DRD2: variants seen among roughly 807,000 people sequenced by gnomAD.
DRD2 encodes dopamine receptor D2.
Under a neutral mutation model 38.0 loss-of-function variants are expected in DRD2, and 8 were observed. The observed-to-expected ratio is 0.21, with a 90% CI of 0.12 to 0.38. The LOEUF (loss-of-function observed/expected upper bound fraction) is 0.38. DRD2 is among the 10% of genes least tolerant of loss of function. The probability of loss-of-function intolerance (pLI) is 1.00; values close to 1 mark genes in which losing one functional copy is unlikely to be tolerated. For missense variants in DRD2, 403 were observed against 607.7 expected (o/e 0.66, Z 3.54); for synonymous variants, 230 against 238.6 (o/e 0.96, Z 0.33).
At chr11:113,434,906 G>T (rs146458592) in intron 1 of DRD2, among the ~76,000 whole-genome samples, 1 of 152,204 alleles carries the variant, frequency 6.6e-6, no homozygotes, top group Non-Finnish European at 1.5e-5. Context: ...GCTGGAGCAC[G>T]CACAGTTCCT....
At chr11:113,432,021 C>T (rs1950991948) in intron 1 of DRD2, among the ~76,000 whole-genome samples, 1 of 152,172 alleles carries the variant, frequency 6.6e-6, no homozygotes, top group Non-Finnish European at 1.5e-5. Context: ...GAAGGGGCTG[C>T]TTTCCCAGTC....
At chr11:113,418,495 T>A (rs1950850203) in intron 2 of DRD2, among the ~76,000 whole-genome samples, 1 of 152,188 alleles carries the variant, frequency 6.6e-6, no homozygotes, top group Non-Finnish European at 1.5e-5. Context: ...CAGAGACACC[T>A]ATATTGACTA....
intron 1 of DRD2, among the ~76,000 whole-genome samples, chr11:113,462,162 T>C (rs1304215261): frequency 1.3e-5 from 2 of 152,206 alleles, no homozygotes; most frequent in African/African-American, 2.4e-5. Flanking sequence ...GGGCAGCTAT[T>C]CCCAAACAGG....
rs1241130016 is a variant in DRD2, at chr11:113,420,222, T to C, written c.286-2086A>G. On this transcript the variant is annotated intron_variant, in intron 2 of 7. Coordinates refer to ENST00000362072, the MANE Select transcript of DRD2 (RefSeq NM_000795.4). Reference sequence around the variant, plus strand: ...TCCTCTCCTTCCCTCCTTTCTGCCATCCCTTCTTTCCTACAAACACTTATT... The same window carrying C: ...TCCTCTCCTTCCCTCCTTTCTGCCACCCCTTCTTTCCTACAAACACTTATT... Among the ~76,000 whole-genome samples, 3 of 152,172 alleles carry C rather than the reference T, an allele frequency of 2.0e-5. No individual in the cohort carries two copies. The East Asian group carries it at 5.8e-4, about 29-fold the overall frequency.
intron 1 of DRD2, among the ~76,000 whole-genome samples, chr11:113,469,086 TC>T (rs1157392193): frequency 3.3e-5 from 5 of 152,122 alleles, no homozygotes; most frequent in Non-Finnish European, 7.3e-5. Context: ...GAAGGTAATG[TC>T]ATCACAGTTC....
chr11:113,417,056 C>A, intron 3 of DRD2, 57 bp from the exon 4 acceptor site: 1 of 1,596,992 alleles, frequency 6.3e-7, no homozygotes, highest in Non-Finnish European at 8.5e-7. Flanking sequence ...CCTCACTCCA[C>A]AATATGCACA....
chr11:113,433,961 C>T lies in DRD2; in HGVS notation c.-31-9279G>A, dbSNP rs113494633. The stretch of plus-strand genomic sequence containing the variant: ...ACTTACAGGCACAGGCAGCCACATG[C>T]ACCCTCCTTGAGTCCCAACTCCTAA... On this transcript the variant is annotated intron_variant, in intron 1 of 7. Transcript: ENST00000362072. Among the ~76,000 whole-genome samples, 97 of 152,320 alleles carry T rather than the reference C, an allele frequency of 6.4e-4. 2 individuals are homozygous for T. The highest frequency in any genetic ancestry group is 2.2e-3 in the African/African-American group (90 of 41,582).
chr11:113,416,317 G>A (rs1950826295), intron 4 of DRD2, among the ~76,000 whole-genome samples: 2 of 152,186 alleles, frequency 1.3e-5, no homozygotes, highest in South Asian at 4.1e-4. Flanking sequence ...CGGGGGCTTT[G>A]TGTTGCCTCT....
chr11:113,414,226 G>T, intron 6 of DRD2, 149 bp downstream of exon 6: 1 of 788,180 alleles, frequency 1.3e-6, no homozygotes, highest in Non-Finnish European at 2.3e-6. Context: ...TTGGAGGTGT[G>T]CACGGTGAGT....
chr11:113,442,641 TG>T (rs1951105329), intron 1 of DRD2, among the ~76,000 whole-genome samples: 1 of 152,214 alleles, frequency 6.6e-6, no homozygotes, highest in Non-Finnish European at 1.5e-5. Flanking sequence ...TGATATTCCA[TG>T]GGACACAGCA....
chr11:113,451,821 T>C (rs370386445), intron 1 of DRD2, among the ~76,000 whole-genome samples: 2 of 152,214 alleles, frequency 1.3e-5, no homozygotes, highest in South Asian at 4.1e-4. Flanking sequence ...GTCTCATTCA[T>C]GAGTTAAATG....
At chr11:113,470,706 G>C (rs893554569) in intron 1 of DRD2, among the ~76,000 whole-genome samples, 2 of 152,194 alleles carry the variant, frequency 1.3e-5, no homozygotes, top group Non-Finnish European at 2.9e-5. Context: ...GGCCTCCTAA[G>C]AGTCTACTTC....
chr11:113,437,906 A>C (rs772215247), intron 1 of DRD2, among the ~76,000 whole-genome samples: 1 of 152,168 alleles, frequency 6.6e-6, no homozygotes, highest in Middle Eastern at 3.2e-3. Flanking sequence ...CAACATGGGC[A>C]CAACAGGGAA....
chr11:113,439,127 T>C (rs753683274), intron 1 of DRD2, among the ~76,000 whole-genome samples: 6 of 152,234 alleles, frequency 3.9e-5, no homozygotes, highest in Admixed American at 6.5e-5. Context: ...GTGGTATTTC[T>C]TTGCCATGCA....
At chr11:113,427,960 C>T (rs530416151) in intron 1 of DRD2, among the ~76,000 whole-genome samples, 17 of 152,240 alleles carry the variant, frequency 1.1e-4, no homozygotes, top group African/African-American at 3.9e-4. Context: ...CAGGGATGCG[C>T]GCACAGAGGA....
intron 1 of DRD2, among the ~76,000 whole-genome samples, chr11:113,427,766 C>A (rs752846044): frequency 3.9e-5 from 6 of 152,126 alleles, no homozygotes; most frequent in Non-Finnish European, 8.8e-5. Flanking sequence ...CTGCACTATG[C>A]TCTTCCCCCA....
At chr11:113,416,182 A>T (rs1479428272) in intron 4 of DRD2, among the ~76,000 whole-genome samples, 1 of 152,324 alleles carries the variant, frequency 6.6e-6, no homozygotes, top group East Asian at 1.9e-4. Context: ...AATTCCTGTG[A>T]TGCTTATAAT....
intron 1 of DRD2, among the ~76,000 whole-genome samples, chr11:113,470,779 G>A (rs1224614591): frequency 6.6e-6 from 1 of 152,118 alleles, no homozygotes; most frequent in Non-Finnish European, 1.5e-5. Flanking sequence ...GAGTTTCCAG[G>A]CTTCTGAGTT....
rs553052703 is a variant in DRD2 at position 113,410,501 on chromosome 11, G to A, written c.*226C>T. ...CTATGAGCTGCCCCTGAGCTGGGGG[G>A]CCCAGCCCCAGGGCTGGTACCATGC... On this transcript the variant is annotated 3_prime_UTR_variant, in exon 8 of 8. Coordinates refer to ENST00000362072, the MANE Select transcript of DRD2 (RefSeq NM_000795.4). The A allele has an allele frequency of 1.6e-6, 1 of 619,254 alleles. No homozygotes were observed. The highest frequency in any genetic ancestry group is 2.9e-6 in the Non-Finnish European group (1 of 348,410). The allele number at this position is 619,254 out of a possible 1,614,324, so 38.4% of individuals were successfully genotyped here. A position where few individuals can be genotyped will look rare whatever the true frequency, so the allele number is the denominator to read the frequency against.
Sources: allele counts gnomAD v4.1 joint callset (sites outside exome capture counted in the v4.1 genomes callset), GRCh38; gene constraint gnomAD v4.1.1; transcripts MANE v1.5; gene names NCBI Gene and HGNC (gene_info 2026-07-23, HGNC 2026-07-21).